TNS4: variants seen among roughly 807,000 people sequenced by gnomAD.
TNS4 encodes the protein tensin-4.
Under a neutral mutation model 70.4 loss-of-function variants are expected in TNS4, and 46 were observed. The ratio of observed to expected loss-of-function variants is 0.65; its 90% confidence interval spans 0.52 to 0.84. The LOEUF is 0.84. Ranked by LOEUF, TNS4 falls within the 40% of genes least tolerant of loss-of-function variation. TNS4 has a pLI of 0.00. For missense variants in TNS4, 863 were observed against 907.0 expected (o/e 0.95, Z 0.62); for synonymous variants, 390 against 366.6 (o/e 1.06, Z -0.73).
chr17:40,477,317 A>G lies in TNS4; in HGVS notation c.*271T>C. The G allele has an allele frequency of 2.3e-6, 1 of 428,766 alleles. No individual in the cohort carries two copies. Among genetic ancestry groups the G allele is most frequent in the Non-Finnish European group, 4.2e-6 (1 of 237,690 alleles). 26.6% of individuals were successfully genotyped at this position (428,766 alleles called of 1,614,324 possible). A position where few individuals can be genotyped will look rare whatever the true frequency, so the allele number is the denominator to read the frequency against. On this transcript the variant is annotated 3_prime_UTR_variant, in exon 13 of 13. Transcript: ENST00000254051. ...TGTGCATGCTTCAGAATCATGGAGG[A>G]GCATGTTCAAATGCCCACCAGCATC...
chr17:40,492,590 G>T (rs1245390728), intron 2 of TNS4, among the ~76,000 whole-genome samples: 1 of 147,660 alleles, frequency 6.8e-6, no homozygotes, highest in Non-Finnish European at 1.5e-5. Context: ...CTGGTACATG[G>T]ACTAGTTTTT....
In TNS4 at chr17:40,482,481, C is replaced by T. The variant is rs142247926; in HGVS notation, c.1502-65G>A. On this transcript the variant is annotated intron_variant, in intron 6 of 12. Coordinates refer to ENST00000254051, the MANE Select transcript of TNS4 (RefSeq NM_032865.6). ...CCTTGTGGCCGGGCGCGGTGGCTCA[C>T]GCCTGTAATCCCAGCACTTTGGGAG... is the stretch of plus-strand genomic sequence containing the variant. 4.4e-4 allele frequency: 662 copies of T among 1,517,376 alleles called. 7 individuals are homozygous for T. The East Asian group carries it at 0.012, about 27-fold the overall frequency. 94.0% of individuals were successfully genotyped at this position (1,517,376 alleles called of 1,614,324 possible). A position where few individuals can be genotyped will look rare whatever the true frequency, so the allele number is the denominator to read the frequency against.
Position 40,477,569 on chromosome 17 carries a change from T to G in TNS4, c.*19A>C, listed in dbSNP as rs1597685832. The G allele has an allele frequency of 1.9e-6, 3 of 1,613,450 alleles. No homozygotes were observed. Reference sequence around the variant, plus strand: ...CGAGCCCCTGGAGGTGTTGGTTAGGTGCACAGGCAGTCTCTCCCCTACATC... The same window carrying G: ...CGAGCCCCTGGAGGTGTTGGTTAGGGGCACAGGCAGTCTCTCCCCTACATC... On this transcript the variant is annotated 3_prime_UTR_variant, in exon 13 of 13. Coordinates refer to ENST00000254051, the MANE Select transcript of TNS4 (RefSeq NM_032865.6).
intron 1 of TNS4, among the ~76,000 whole-genome samples, chr17:40,498,960 C>A (rs566099264): frequency 7.2e-5 from 11 of 152,248 alleles, no homozygotes; most frequent in African/African-American, 2.6e-4. Context: ...GGGATTCAAA[C>A]CCAGGTGTGG....
chr17:40,479,887 AG>A, intron 9 of TNS4, 45 bp from the exon 10 acceptor site: 1 of 1,560,318 alleles, frequency 6.4e-7, no homozygotes, highest in Non-Finnish European at 8.7e-7. Context: ...CCCAGGGCCC[AG>A]GTTCTCCCTC....
At chr17:40,481,867 G>A (rs2035925397) in intron 8 of TNS4, among the ~76,000 whole-genome samples, 1 of 152,204 alleles carries the variant, frequency 6.6e-6, no homozygotes, top group African/African-American at 2.4e-5. Context: ...GCCAGGCATT[G>A]CGCTAAGAGC....
intron 10 of TNS4, among the ~76,000 whole-genome samples, chr17:40,478,858 T>C (rs1042977176): frequency 6.6e-6 from 1 of 152,220 alleles, no homozygotes; most frequent in Non-Finnish European, 1.5e-5. Flanking sequence ...TCTGCCTCTG[T>C]CTTACACTCT....
At chr17:40,486,213 G>A (rs1178522537) in intron 4 of TNS4, among the ~76,000 whole-genome samples, 1 of 152,082 alleles carries the variant, frequency 6.6e-6, no homozygotes. Context: ...GGTGTTTGCT[G>A]TTTTGTGGTT....
At chr17:40,501,027 A>G in intron 1 of TNS4, among the ~76,000 whole-genome samples, 1 of 152,156 alleles carries the variant, frequency 6.6e-6, no homozygotes, top group East Asian at 1.9e-4. Flanking sequence ...GCCGAGGGGC[A>G]CAGGTTTAGT....
In TNS4 at chr17:40,479,833, G is replaced by C; in HGVS notation, c.1751C>G (p.Thr584Ser). Reference sequence around the variant, plus strand: ...CACGCTCACTGAGCTCAGGTACAGGGTGTGGCAGCCTGTGGGAGGCAGACA... The same window carrying C: ...CACGCTCACTGAGCTCAGGTACAGGCTGTGGCAGCCTGTGGGAGGCAGACA... Reference protein sequence around the residue: ...SCQKKSAGCHTLYLSSVSVET... With the variant: ...SCQKKSAGCHSLYLSSVSVET... Residue 584 changes from threonine (T) to serine (S), a missense_variant, in exon 10 of 13, where the codon ACC (threonine) becomes AGC (serine). By Grantham distance (58) the Thr-to-Ser change is moderately conservative. Coordinates refer to ENST00000254051, the MANE Select transcript of TNS4 (RefSeq NM_032865.6). The C allele has an allele frequency of 6.2e-7, 1 of 1,611,606 alleles. No individual in the cohort carries two copies. Among genetic ancestry groups the C allele is most frequent in the Middle Eastern group, 1.7e-4 (1 of 6,054 alleles).
At chr17:40,477,829 T>A in intron 12 of TNS4, 100 bp from the exon 13 acceptor site, 1 of 1,105,972 alleles carries the variant, frequency 9.0e-7, no homozygotes, top group Non-Finnish European at 1.3e-6. Context: ...ATCTCATTCC[T>A]CCCTGCCCCT....
intron 1 of TNS4, among the ~76,000 whole-genome samples, chr17:40,499,829 C>G (rs2036190689): frequency 1.3e-5 from 2 of 152,202 alleles, no homozygotes; most frequent in Admixed American, 1.3e-4. Flanking sequence ...CTGGCTGTGT[C>G]CTGCAGAGGA....
chr17:40,486,370 G>C (rs1431145257), intron 4 of TNS4, among the ~76,000 whole-genome samples: 1 of 151,956 alleles, frequency 6.6e-6, no homozygotes, highest in Admixed American at 6.6e-5. Flanking sequence ...GGGTCGCCTG[G>C]TTCTGTCCTC....
At position 40,477,529 on chromosome 17, in the gene TNS4, A is replaced by AG. The variant is rs1331871074; in HGVS notation, c.*58dup. On this transcript the variant is annotated 3_prime_UTR_variant, in exon 13 of 13. Transcript: ENST00000254051. ...CAAGCCACACCCATTCAGGGGGTGG[A>AG]GGGGGGCTCCTTAGCGAGCCCCTGG... 2.5e-6 allele frequency: 4 copies of AG among 1,597,288 alleles called. No individual in the cohort carries two copies. Among genetic ancestry groups the AG allele is most frequent in the East Asian group, 4.5e-5 (2 of 44,732 alleles).
intron 9 of TNS4, chr17:40,480,082 G>T: frequency 3.7e-6 from 2 of 542,586 alleles, no homozygotes; most frequent in Non-Finnish European, 6.5e-6. Context: ...ATGGGGCAGG[G>T]GAGGGGATGT....
rs771328624 is a variant in TNS4 at position 40,487,381 on chromosome 17, A to C, written c.943T>G (p.Ser315Ala). 24 of 1,614,006 alleles carry C rather than the reference A, an allele frequency of 1.5e-5. No homozygotes were observed. Among genetic ancestry groups the C allele is most frequent in the Non-Finnish European group, 2.0e-5 (24 of 1,180,022 alleles). ...RSLESPANSS[S>A]SLHSLGSVSL... ...ACTGAGCCAAGGCTGTGGAGGCTGG[A>C]GGAAGAGTTGGCTGGACTTTCCAAG... Residue 315 changes from serine (S) to alanine (A), a missense_variant, in exon 4 of 13, where the codon TCC becomes GCC. Physicochemically the swap from Ser to Ala is moderately conservative, Grantham distance 99. Transcript: ENST00000254051.
chr17:40,481,951 G>A (rs57934177), intron 8 of TNS4, among the ~76,000 whole-genome samples, 178 bp downstream of exon 8: 12,849 of 152,306 alleles, frequency 0.084, 545 homozygotes, highest in Middle Eastern at 0.16. Context: ...GAGGCTCAGA[G>A]AGGTCAACAT....
chr17:40,499,636 G>T (rs752517877), intron 1 of TNS4, among the ~76,000 whole-genome samples: 1 of 152,252 alleles, frequency 6.6e-6, no homozygotes, highest in Admixed American at 6.5e-5. Flanking sequence ...AGGTCCTGCA[G>T]GGGGCGGGGC....
rs1381493444 is a variant in TNS4 at position 40,479,841 on chromosome 17, G to C, written c.1743C>G (p.Gly581=). Residue 581 remains glycine (G), a splice_region_variant and synonymous_variant, in exon 10 of 13, where the codon GGC becomes GGG. Transcript: ENST00000254051. ...CTGAGCTCAGGTACAGGGTGTGGCA[G>C]CCTGTGGGAGGCAGACACTGCGCTG... ...SPASCQKKSA[G]CHTLYLSSVS... is the part of the protein sequence containing the mutation. 1.2e-6 allele frequency: 2 copies of C among 1,609,652 alleles called. No individual in the cohort carries two copies. The highest frequency in any genetic ancestry group is 2.2e-5 in the South Asian group (2 of 90,464).
Sources: allele counts gnomAD v4.1 joint callset (sites outside exome capture counted in the v4.1 genomes callset), GRCh38; gene constraint gnomAD v4.1.1; transcripts MANE v1.5; gene names NCBI Gene and HGNC (gene_info 2026-07-23, HGNC 2026-07-21).